The following KLHL15 variants were observed in gnomAD, a reference collection of about 807,000 sequenced individuals.
KLHL15 encodes kelch-like protein 15.
Under a neutral mutation model 29.3 loss-of-function variants are expected in KLHL15, and 1 was observed. That is an observed-to-expected ratio of 0.03 (90% CI 0.01 to 0.16). KLHL15 has a LOEUF of 0.16. KLHL15 is among the 10% of genes least tolerant of loss of function. The pLI is 1.00. For missense variants in KLHL15, 215 were observed against 478.5 expected, an observed-to-expected ratio of 0.45 and a Z score of 5.14; for synonymous variants, 212 against 184.5, an observed-to-expected ratio of 1.15 and a Z score of -1.21.
intron 2 of KLHL15, among the ~76,000 whole-genome samples, chrX:24,023,787 T>G (rs1317269295): frequency 3.6e-5 from 4 of 112,266 alleles, no homozygotes; most frequent in Non-Finnish European, 5.6e-5. Flanking sequence ...AGAATAAAAT[T>G]ATATAATTAC....
At position 23,989,332 on chromosome X, in the gene KLHL15, G is replaced by A. The variant is rs143424542; in HGVS notation, c.706-302C>T. On this transcript the variant is annotated intron_variant, in intron 3 of 3. Coordinates refer to ENST00000328046, the MANE Select transcript of KLHL15 (RefSeq NM_030624.3). ...AGCCTCCTGAGGCGCCTGCCACCAC[G>A]CGCCCAGCTAATTTTTTTATTTTTA... Among the ~76,000 whole-genome samples, 1,083 of 109,274 alleles carry A rather than the reference G, an allele frequency of 9.9e-3. 18 individuals are homozygous for A. Among genetic ancestry groups the A allele is most frequent in the African/African-American group, 0.034 (1,014 of 30,004 alleles). 94.9% of individuals were successfully genotyped at this position (109,274 alleles called of 115,157 possible).
At chrX:24,015,308 C>T (rs1378840431) in intron 2 of KLHL15, among the ~76,000 whole-genome samples, 1 of 112,157 alleles carries the variant, frequency 8.9e-6, no homozygotes, top group African/African-American at 3.2e-5. Context: ...ATATGCAACA[C>T]ACTAAATACA....
At chrX:24,024,088 A>G (rs1158258161) in intron 2 of KLHL15, among the ~76,000 whole-genome samples, 3 of 112,126 alleles carry the variant, frequency 2.7e-5, no homozygotes, top group Non-Finnish European at 5.6e-5. Flanking sequence ...AGGGGCCTAA[A>G]GCGGCCTAGA....
chrX:24,025,867 C>T (rs1929923124), intron 1 of KLHL15, among the ~76,000 whole-genome samples: 1 of 110,545 alleles, frequency 9.0e-6, no homozygotes, highest in African/African-American at 3.3e-5. Context: ...GCTTCCCCCG[C>T]GGCGCCGCCG....
chrX:23,997,140 G>A (rs958734620), intron 3 of KLHL15, among the ~76,000 whole-genome samples: 5 of 72,206 alleles, frequency 6.9e-5, no homozygotes, highest in African/African-American at 1.1e-4. Context: ...TGCCCTCAGG[G>A]CAAGAGAGTT....
chrX:23,988,919 T>C lies in KLHL15; in HGVS notation c.817A>G (p.Ser273Gly), dbSNP rs1929029439. The C allele has an allele frequency of 8.3e-7, 1 of 1,210,220 alleles. No homozygotes were observed. The highest frequency in any genetic ancestry group is 1.8e-5 in the South Asian group (1 of 56,854). The part of the protein sequence containing the change: ...HQQPLLDMKS[S>G]RIRSAKPQTT... ...TGCGGTTTTGCAGAACGGATGCGGC[T>C]TGACTTCATATCCAACAAAGGCTGC... The change falls in exon 4 of 4, where the codon AGC (serine) becomes GGC (glycine). Residue 273 changes from serine (S) to glycine (G), a missense_variant. Coordinates refer to ENST00000328046, the MANE Select transcript of KLHL15 (RefSeq NM_030624.3).
At chrX:24,009,648 T>C (rs895264321) in intron 2 of KLHL15, among the ~76,000 whole-genome samples, 34 of 95,774 alleles carry the variant, frequency 3.6e-4, no homozygotes, top group African/African-American at 1.3e-3. Context: ...ACTGCACCAC[T>C]GCACTCCAGC....
rs951919247 is a variant in KLHL15 at position 23,986,923 on chromosome X, G to A, written c.*998C>T. ...CTTTAAAAGTGCTTGCATGCTGCAGGGCCAGAACTTGTCATATACCACTCC... is the reference window on the plus strand; with the variant it reads ...CTTTAAAAGTGCTTGCATGCTGCAGAGCCAGAACTTGTCATATACCACTCC... On this transcript the variant is annotated 3_prime_UTR_variant, in exon 4 of 4. Coordinates refer to ENST00000328046, the MANE Select transcript of KLHL15 (RefSeq NM_030624.3). 1.8e-5 allele frequency: 2 copies of A among 111,679 alleles called. No homozygotes were observed. Among genetic ancestry groups the A allele is most frequent in the Non-Finnish European group, 3.8e-5 (2 of 53,087 alleles). The allele number at this position is 111,679 out of a possible 1,213,427, so 9.2% of individuals were successfully genotyped here. A position where few individuals can be genotyped will look rare whatever the true frequency, so the allele number is the denominator to read the frequency against.
chrX:24,020,297 T>A (rs764080098), intron 2 of KLHL15, among the ~76,000 whole-genome samples: 12 of 112,368 alleles, frequency 1.1e-4, no homozygotes, highest in Non-Finnish European at 2.3e-4. Context: ...AAAGACAAAT[T>A]TAAAGACAGA....
intron 2 of KLHL15, among the ~76,000 whole-genome samples, chrX:24,019,681 C>A (rs184289086): frequency 1.9e-3 from 214 of 111,308 alleles, no homozygotes; most frequent in Non-Finnish European, 3.5e-3. Flanking sequence ...ACGCACAAAC[C>A]TCAACCTCTT....
intron 2 of KLHL15, among the ~76,000 whole-genome samples, chrX:24,013,326 G>C (rs943351281): frequency 9.0e-6 from 1 of 110,871 alleles, no homozygotes; most frequent in African/African-American, 3.3e-5. Flanking sequence ...GCAGTGGTGC[G>C]ATCTCCACTC....
At chrX:23,992,198 A>G (rs753338073) in intron 3 of KLHL15, among the ~76,000 whole-genome samples, 78 of 112,210 alleles carry the variant, frequency 7.0e-4, no homozygotes, top group African/African-American at 2.2e-3. Flanking sequence ...ACATAGCTCA[A>G]TATCTTTAAG....
chrX:24,015,203 CCTT>C (rs1213268283), intron 2 of KLHL15, among the ~76,000 whole-genome samples: 1 of 112,202 alleles, frequency 8.9e-6, no homozygotes, highest in East Asian at 2.8e-4. Context: ...ATTTTCTTGG[CCTT>C]CTCTCTGCAT....
intron 2 of KLHL15, among the ~76,000 whole-genome samples, chrX:24,019,445 G>A (rs933765208): frequency 9.1e-6 from 1 of 110,117 alleles, no homozygotes; most frequent in African/African-American, 3.3e-5. Context: ...TAGTAGAGAC[G>A]GAGTTTCACC....
intron 3 of KLHL15, among the ~76,000 whole-genome samples, chrX:24,003,150 G>A (rs932036717): frequency 2.7e-5 from 3 of 112,029 alleles, no homozygotes; most frequent in Middle Eastern, 4.2e-3. Flanking sequence ...CCCAGATTGG[G>A]AAGCAGCTGC....
At chrX:24,010,730 T>C (rs1006144318) in intron 2 of KLHL15, among the ~76,000 whole-genome samples, 1 of 111,382 alleles carries the variant, frequency 9.0e-6, no homozygotes, top group African/African-American at 3.3e-5. Flanking sequence ...GTTCTGTCCT[T>C]CCCCTGGTTA....
chrX:24,004,024 T>C (rs1263005192), intron 3 of KLHL15, among the ~76,000 whole-genome samples: 1 of 108,668 alleles, frequency 9.2e-6, no homozygotes, highest in African/African-American at 3.4e-5. Flanking sequence ...GAGGACTACA[T>C]AGATACTGCA....
In KLHL15 at chrX:24,007,491, C is replaced by CAAA. The variant is rs1173565203; in HGVS notation, c.-7-794_-7-792dup. On this transcript the variant is annotated intron_variant, in intron 2 of 3. Transcript: ENST00000328046. Reference sequence around the variant, plus strand: ...CTGGGAGACAGCAAGACCCCATTTCCAAAAAAAAAAAAAAAAAATATATAT... The same window carrying CAAA: ...CTGGGAGACAGCAAGACCCCATTTCCAAAAAAAAAAAAAAAAAAAAATATATAT... Among the ~76,000 whole-genome samples the CAAA allele has an allele frequency of 2.5e-3, 156 of 62,299 alleles. 3 individuals carry two copies. The highest frequency in any genetic ancestry group is 0.011 in the African/African-American group (148 of 13,496). 54.1% of individuals were successfully genotyped at this position (62,299 alleles called of 115,157 possible).
In KLHL15 at chrX:23,988,431, G is replaced by C; in HGVS notation, c.1305C>G (p.Thr435=). 1 of 1,211,680 alleles carries C rather than the reference G, an allele frequency of 8.3e-7. No homozygotes were observed. The highest frequency in any genetic ancestry group is 1.7e-5 in the African/African-American group (1 of 57,821). Reference sequence around the variant, plus strand: ...ACACTTGCTTGGAGGTGGAAGATGAGGTGATTCCACCGGTGATAAACAATT... The same window carrying C: ...ACACTTGCTTGGAGGTGGAAGATGACGTGATTCCACCGGTGATAAACAATT... The part of the protein sequence containing the change: ...NNKLFITGGI[T]SSSTSKQVCV... The change falls in exon 4 of 4, where the codon ACC becomes ACG. Residue 435 remains threonine (T), a synonymous_variant. Coordinates refer to ENST00000328046, the MANE Select transcript of KLHL15 (RefSeq NM_030624.3).
Sources: gnomAD v4.1 joint callset for allele counts (sites outside exome capture counted in the v4.1 genomes callset) on GRCh38, gnomAD v4.1.1 for gene constraint, MANE v1.5 for transcripts, NCBI Gene and HGNC (gene_info 2026-07-23, HGNC 2026-07-21) for gene names.